The following RASGRF1 variants were observed in gnomAD, a reference collection of about 807,000 sequenced individuals.
The protein encoded by RASGRF1 is Ras protein specific guanine nucleotide releasing factor 1.
Under a neutral mutation model 138.7 loss-of-function variants are expected in RASGRF1, and 40 were observed. The ratio of observed to expected loss-of-function variants is 0.29; its 90% CI spans 0.22 to 0.38. RASGRF1 has a LOEUF of 0.38. RASGRF1 is among the 10% of genes least tolerant of loss of function. The pLI, the probability that RASGRF1 is intolerant of heterozygous loss-of-function variation, is 1.00. For missense variants in RASGRF1, 1,108 were observed against 1,650.4 expected (o/e 0.67, Z 5.69); for synonymous variants, 614 against 663.2 (o/e 0.93, Z 1.14).
Position 78,998,634 on chromosome 15 carries a change from C to T in RASGRF1, c.2853+85G>A, listed in dbSNP as rs923942757. On this transcript the variant is annotated intron_variant, in intron 18 of 26. Coordinates refer to ENST00000558480, the MANE Select transcript of RASGRF1 (RefSeq NM_001145648.3). ...CTGCCAGCCATCAGCTCACTCTGCC[C>T]GCAGCTGCTTTTGGAAGGCAGCTGG... The T allele has an allele frequency of 1.5e-5, 18 of 1,174,170 alleles. 1 individual carries two copies. The highest frequency in any genetic ancestry group is 1.9e-5 in the Non-Finnish European group (15 of 789,192). The allele number at this position is 1,174,170 out of a possible 1,614,324, so 72.7% of individuals were successfully genotyped here.
chr15:78,965,009 C>T (rs879817110), intron 26 of RASGRF1, among the ~76,000 whole-genome samples: 9 of 152,046 alleles, frequency 5.9e-5, no homozygotes, highest in African/African-American at 2.2e-4. Flanking sequence ...TGAGCCACCG[C>T]GCCCGGCCGT....
chr15:79,026,256 CCTT>C (rs1293032656), intron 9 of RASGRF1, among the ~76,000 whole-genome samples: 1 of 152,230 alleles, frequency 6.6e-6, no homozygotes, highest in African/African-American at 2.4e-5. Context: ...ACCATTGTCC[CCTT>C]CTTCTGCCTC....
At chr15:79,088,245 G>T (rs978724613) in intron 1 of RASGRF1, among the ~76,000 whole-genome samples, 1 of 152,152 alleles carries the variant, frequency 6.6e-6, no homozygotes, top group African/African-American at 2.4e-5. Flanking sequence ...TATCTCTGAG[G>T]TTCTGTTCGA....
chr15:79,028,711 C>G (rs887487127), intron 8 of RASGRF1, among the ~76,000 whole-genome samples: 2 of 152,084 alleles, frequency 1.3e-5, no homozygotes, highest in African/African-American at 4.8e-5. Context: ...CAAAAGTACC[C>G]CACCTACTCC....
intron 26 of RASGRF1, among the ~76,000 whole-genome samples, chr15:78,970,029 G>A (rs2141594187): frequency 6.6e-6 from 1 of 152,278 alleles, no homozygotes; most frequent in Non-Finnish European, 1.5e-5. Context: ...CAGCTATAAA[G>A]CAGATCATGA....
intron 20 of RASGRF1, among the ~76,000 whole-genome samples, chr15:78,993,877 T>A (rs567886861): frequency 3.3e-5 from 5 of 152,188 alleles, no homozygotes; most frequent in Non-Finnish European, 5.9e-5. Context: ...GGAAAGAGGG[T>A]GACCCTGGAA....
chr15:78,971,399 G>C (rs2141597237), intron 26 of RASGRF1, among the ~76,000 whole-genome samples: 1 of 152,336 alleles, frequency 6.6e-6, no homozygotes, highest in Middle Eastern at 3.4e-3. Context: ...ATACTGAGCA[G>C]TGTATAGTAT....
In RASGRF1 at chr15:79,059,251, A is replaced by T. The variant is rs867599816; in HGVS notation, c.384-770T>A. ...TCCCTTCCCTTCCCTTCCCTTCCCT[A>T]TCCTTCCCTTCCCTTCCCTTCCCTA... On this transcript the variant is annotated intron_variant, in intron 2 of 26. Coordinates refer to ENST00000558480, the MANE Select transcript of RASGRF1 (RefSeq NM_001145648.3). 8.6e-3 allele frequency among the ~76,000 whole-genome samples: 173 copies of T among 20,164 alleles called. 3 individuals are homozygous for T. The highest frequency in any genetic ancestry group is 0.011 in the African/African-American group (36 of 3,284). The allele number at this position is 20,164 out of a possible 152,430, so 13.2% of individuals were successfully genotyped here. A position where few individuals can be genotyped will look rare whatever the true frequency, so the allele number is the denominator to read the frequency against.
At chr15:79,038,268 G>A (rs1034406665) in intron 5 of RASGRF1, among the ~76,000 whole-genome samples, 4 of 152,176 alleles carry the variant, frequency 2.6e-5, no homozygotes. Flanking sequence ...CAGCACAGCA[G>A]ACAACTGTTC....
chr15:79,086,221 C>T (rs894455769), intron 1 of RASGRF1, among the ~76,000 whole-genome samples: 1 of 152,172 alleles, frequency 6.6e-6, no homozygotes, highest in African/African-American at 2.4e-5. Flanking sequence ...TGTCTAAGGG[C>T]TGCTGCTTTT....
Position 78,991,745 on chromosome 15 carries a change from A to G in RASGRF1, c.3077T>C (p.Ile1026Thr). The G allele has an allele frequency of 6.2e-7, 1 of 1,614,116 alleles. No individual in the cohort carries two copies. The highest frequency in any genetic ancestry group is 1.1e-5 in the South Asian group (1 of 91,086). ...ATCTAGCAGGGTCAGCTGCTCCGCG[A>G]TCTCCAGGGCTGAGTGGTTTTCAAA... ...EPFENHSALE[I>T]AEQLTLLDHL... The change falls in exon 21 of 27, where the codon ATC becomes ACC. Residue 1026 changes from isoleucine (I) to threonine (T), a missense_variant. Coordinates refer to ENST00000558480, the MANE Select transcript of RASGRF1 (RefSeq NM_001145648.3).
chr15:79,049,384 ATGGGGGGCACGCTC>A (rs2057398477), intron 4 of RASGRF1, 98 bp downstream of exon 4: 2 of 960,116 alleles, frequency 2.1e-6, no homozygotes, highest in Non-Finnish European at 3.2e-6. Context: ...AGGTTGGGGG[ATGGGGGGCACGCTC>A]TGAGGACAGT....
At chr15:78,962,275 G>A (rs774620456) in intron 26 of RASGRF1, 39 bp from the exon 27 acceptor site, 10 of 1,342,692 alleles carry the variant, frequency 7.4e-6, no homozygotes, top group Middle Eastern at 3.6e-4. Flanking sequence ...GGAGGGTTGT[G>A]GGACCTCCAT....
intron 12 of RASGRF1, among the ~76,000 whole-genome samples, chr15:79,016,963 C>T (rs2141766829): frequency 6.6e-6 from 1 of 152,342 alleles, no homozygotes; most frequent in South Asian, 2.1e-4. Context: ...TCTCCTACCA[C>T]CCCACCCCGC....
Position 79,082,915 on chromosome 15 carries a change from C to T in RASGRF1, c.276+7308G>A, listed in dbSNP as rs567915977. Among the ~76,000 whole-genome samples, 21 of 152,294 alleles carry T rather than the reference C, an allele frequency of 1.4e-4. 1 individual carries two copies. The highest frequency in any genetic ancestry group is 4.8e-4 in the African/African-American group (20 of 41,574). ...CCTGGGTCACTGCTATAGTGAGGAA[C>T]AGTCTTGTCATAAAGGTGGAAGCCA... On this transcript the variant is annotated intron_variant, in intron 1 of 26. Coordinates refer to ENST00000558480, the MANE Select transcript of RASGRF1 (RefSeq NM_001145648.3).
chr15:78,978,220 GTTTTTTTTTTTT>G (rs71148584), intron 24 of RASGRF1, among the ~76,000 whole-genome samples: 64,543 of 124,974 alleles, frequency 0.52, 17,381 homozygotes, highest in East Asian at 0.74. Flanking sequence ...CTTTTCTTTT[GTTTTTTTTTTTT>G]TTTTTTTTTT....
intron 1 of RASGRF1, among the ~76,000 whole-genome samples, chr15:79,067,625 C>T (rs1007798729): frequency 6.6e-6 from 1 of 152,216 alleles, no homozygotes; most frequent in Non-Finnish European, 1.5e-5. Flanking sequence ...CTGTTTTATG[C>T]AACCACATTG....
chr15:79,071,914 C>T (rs2057761484), intron 1 of RASGRF1, among the ~76,000 whole-genome samples: 1 of 152,212 alleles, frequency 6.6e-6, no homozygotes, highest in Non-Finnish European at 1.5e-5. Context: ...GCTCCCATCT[C>T]CTTCCCACTG....
At chr15:78,970,197 A>G (rs2055723687) in intron 26 of RASGRF1, among the ~76,000 whole-genome samples, 1 of 152,120 alleles carries the variant, frequency 6.6e-6, no homozygotes, top group South Asian at 2.1e-4. Context: ...GGAGGTTAAG[A>G]TGCTGTATCT....
Sources: allele counts gnomAD v4.1 joint callset (sites outside exome capture counted in the v4.1 genomes callset), GRCh38; gene constraint gnomAD v4.1.1; transcripts MANE v1.5; gene names NCBI Gene and HGNC (gene_info 2026-07-23, HGNC 2026-07-21).